PACRGL: variants seen among roughly 807,000 people sequenced by gnomAD.
PACRGL encodes PACRG-like protein.
In PACRGL, 38 loss-of-function variants were observed where a neutral mutation model predicts 34.5. The observed-to-expected ratio is 1.10, with a 90% CI of 0.85 to 1.44. The LOEUF (loss-of-function observed/expected upper bound fraction) is 1.44. Among genes scored for constraint, PACRGL ranks in the 40% most tolerant of loss-of-function variants. The pLI, the probability that PACRGL is intolerant of heterozygous loss-of-function variation, is 0.00. For synonymous variants in PACRGL, 128 were observed against 100.1 expected, an observed-to-expected ratio of 1.28 and a Z score of -1.66; for missense variants, 305 against 281.4, an observed-to-expected ratio of 1.08 and a Z score of -0.60.
intron 8 of PACRGL, chr4:20,752,421 A>G (rs1171340856): frequency 1.3e-5 from 2 of 152,164 alleles, no homozygotes; most frequent in African/African-American, 4.8e-5. Flanking sequence ...AAATAATCCT[A>G]TATACTTATT....
At position 20,724,201 on chromosome 4, in the gene PACRGL, G is replaced by A. The variant is rs532042615; in HGVS notation, c.610-607G>A. ...TCTTGCTTAAAAATGTAGATTCTGG[G>A]CTTCTGCTCTGGGATTCTGGTTAAG... On this transcript the variant is annotated intron_variant, in intron 7 of 8. Coordinates refer to ENST00000503585, the MANE Select transcript of PACRGL (RefSeq NM_001258345.3). Among the ~76,000 whole-genome samples, 205 of 152,248 alleles carry A rather than the reference G, an allele frequency of 1.3e-3. 1 individual carries two copies. Among genetic ancestry groups the A allele is most frequent in the African/African-American group, 4.5e-3 (186 of 41,546 alleles).
intron 7 of PACRGL, among the ~76,000 whole-genome samples, chr4:20,722,066 A>G (rs1743547056): frequency 6.6e-6 from 1 of 152,188 alleles, no homozygotes; most frequent in South Asian, 2.1e-4. Context: ...TTGCAGTTCT[A>G]TCCCAGACTG....
downstream of PACRGL, chr4:20,734,503 C>T: frequency 4.0e-6 from 2 of 500,556 alleles, no homozygotes; most frequent in South Asian, 3.7e-5. Context: ...ATCTTTCTTC[C>T]ACTACATAAA....
At chr4:20,733,540 T>C (rs1489301718), downstream of PACRGL, among the ~76,000 whole-genome samples, 1 of 152,180 alleles carries the variant, frequency 6.6e-6, no homozygotes, top group African/African-American at 2.4e-5. Flanking sequence ...GATAGAGTAA[T>C]TTGTAAACAG....
chr4:20,712,647 G>C (rs1280889732), intron 5 of PACRGL, 141 bp from the exon 6 acceptor site: 1 of 812,874 alleles, frequency 1.2e-6, no homozygotes, highest in East Asian at 3.0e-5. Flanking sequence ...AATTGAAATT[G>C]TAACTACTGA....
chr4:20,700,690 T>C lies in PACRGL; in HGVS notation c.-114T>C. ...TGCTAGGGCCGCTGGACCCCGTTGC[T>C]AAGGACCCTTGAGATCGTGAGCGCT... On this transcript the variant is annotated 5_prime_UTR_variant, in exon 1 of 9. Coordinates refer to ENST00000503585, the MANE Select transcript of PACRGL (RefSeq NM_001258345.3). 6.6e-6 allele frequency: 1 copy of C among 152,288 alleles called. No individual in the cohort carries two copies. The highest frequency in any genetic ancestry group is 1.5e-5 in the Non-Finnish European group (1 of 68,072). The allele number at this position is 152,288 out of a possible 1,614,324, so 9.4% of individuals were successfully genotyped here. A position where few individuals can be genotyped will look rare whatever the true frequency, so the allele number is the denominator to read the frequency against.
In PACRGL at chr4:20,724,938, T is replaced by A. The variant is rs141176141; in HGVS notation, c.690+50T>A. On this transcript the variant is annotated intron_variant, in intron 8 of 8. Transcript: ENST00000503585. ...TCTTTTTTTTTAACTTTTAGGTGTA[T>A]TACTAAATTGACATATATATATATT... 43 of 1,090,452 alleles carry A rather than the reference T, an allele frequency of 3.9e-5. No homozygotes were observed. In the East Asian group the frequency reaches 8.3e-4, roughly 21 times the overall value. 67.5% of individuals were successfully genotyped at this position (1,090,452 alleles called of 1,614,324 possible). A position where few individuals can be genotyped will look rare whatever the true frequency, so the allele number is the denominator to read the frequency against.
the PACRGL span, among the ~76,000 whole-genome samples, chr4:20,759,644 A>G: frequency 2.6e-5 from 1 of 38,294 alleles, no homozygotes; most frequent in East Asian, 3.6e-4. Context: ...TTTTGCTAAT[A>G]AAAAAAAGAA....
At chr4:20,748,843 A>G (rs559882830) in intron 8 of PACRGL, among the ~76,000 whole-genome samples, 19 of 149,280 alleles carry the variant, frequency 1.3e-4, no homozygotes, top group Admixed American at 6.7e-4. Context: ...ATGATCTGCT[A>G]TTTACCATTT....
chr4:20,731,652 GATATGATAGATAAT>G lies in PACRGL; in HGVS notation c.*4318_*4331del, dbSNP rs1748247054. 1.0e-6 allele frequency: 1 copy of G among 985,078 alleles called. No individual in the cohort carries two copies. Among genetic ancestry groups the G allele is most frequent in the Non-Finnish European group, 1.2e-6 (1 of 829,780 alleles). The allele number at this position is 985,078 out of a possible 1,614,324, so 61.0% of individuals were successfully genotyped here. On this transcript the variant is annotated 3_prime_UTR_variant, in exon 9 of 9. Coordinates refer to ENST00000503585, the MANE Select transcript of PACRGL (RefSeq NM_001258345.3). Reference sequence around the variant, plus strand: ...TATCTAGGAATTCTAATGCTGTGGAGATATGATAGATAATATATGAGTGATGCTAAGTTTTGGCA... The same window carrying G: ...TATCTAGGAATTCTAATGCTGTGGAGATATGAGTGATGCTAAGTTTTGGCA...
At chr4:20,756,981 C>CT (rs1426116044), downstream of PACRGL, among the ~76,000 whole-genome samples, 3 of 152,100 alleles carry the variant, frequency 2.0e-5, no homozygotes, top group African/African-American at 7.2e-5. Context: ...TCTCAAATCT[C>CT]TATCTCTTTC....
Position 20,730,228 on chromosome 4 carries a change from A to C in PACRGL, c.*2887A>C. 5.7e-6 allele frequency: 8 copies of C among 1,396,244 alleles called. No individual in the cohort carries two copies. The highest frequency in any genetic ancestry group is 2.5e-5 in the East Asian group (1 of 39,768). 86.5% of individuals were successfully genotyped at this position (1,396,244 alleles called of 1,614,324 possible). Reference sequence around the variant, plus strand: ...ATTGCCTCCTCCCATCAACCACCTCAACCACCTATGCCAAAAGCTCAAATA... The same window carrying C: ...ATTGCCTCCTCCCATCAACCACCTCCACCACCTATGCCAAAAGCTCAAATA... On this transcript the variant is annotated 3_prime_UTR_variant, in exon 9 of 9. Transcript: ENST00000503585.
At chr4:20,734,800 A>ACAAC, downstream of PACRGL, 1 of 954,440 alleles carries the variant, frequency 1.0e-6, no homozygotes, top group Non-Finnish European at 1.6e-6. Flanking sequence ...AAAAAAACAA[A>ACAAC]TGATGTAAGT....
chr4:20,741,559 C>T (rs1026974665), intron 8 of PACRGL, among the ~76,000 whole-genome samples: 2 of 152,164 alleles, frequency 1.3e-5, no homozygotes, highest in Non-Finnish European at 2.9e-5. Flanking sequence ...CTCTGGGACA[C>T]ATTTAAAGCA....
intron 8 of PACRGL, among the ~76,000 whole-genome samples, chr4:20,745,150 C>T (rs1166678954): frequency 6.6e-6 from 1 of 152,172 alleles, no homozygotes; most frequent in East Asian, 1.9e-4. Flanking sequence ...TACAGGGTCC[C>T]ACCCTTAGGT....
chr4:20,764,704 A>ACACACC, the PACRGL span, among the ~76,000 whole-genome samples: 1 of 151,574 alleles, frequency 6.6e-6, no homozygotes, highest in African/African-American at 2.4e-5. Flanking sequence ...ACACACACAC[A>ACACACC]CACAACCCCA....
intron 8 of PACRGL, chr4:20,749,777 T>C (rs1423808175): frequency 7.4e-7 from 1 of 1,342,672 alleles, no homozygotes; most frequent in African/African-American, 1.4e-5. Context: ...TGTTTCCATA[T>C]CCTACATAAG....
intron 3 of PACRGL, among the ~76,000 whole-genome samples, chr4:20,705,492 A>G (rs1171126209): frequency 6.6e-6 from 1 of 152,154 alleles, no homozygotes; most frequent in East Asian, 1.9e-4. Flanking sequence ...TCTCCAAGAC[A>G]GAAGGAGTGT....
At chr4:20,705,274 A>T (rs1226475765) in intron 3 of PACRGL, among the ~76,000 whole-genome samples, 1 of 152,200 alleles carries the variant, frequency 6.6e-6, no homozygotes, top group African/African-American at 2.4e-5. Flanking sequence ...TTTAATAAAC[A>T]TGGGATTTAT....
Sources: gnomAD v4.1 joint callset for allele counts (sites outside exome capture counted in the v4.1 genomes callset) on GRCh38, gnomAD v4.1.1 for gene constraint, MANE v1.5 for transcripts, NCBI Gene and HGNC (gene_info 2026-07-23, HGNC 2026-07-21) for gene names.